The following MGAT5 variants were observed in gnomAD, a reference collection of about 807,000 sequenced individuals.
MGAT5 encodes alpha-1,6-mannosylglycoprotein 6-beta-N-acetylglucosaminyltransferase, also known as alpha-1,6-mannosylglycoprotein 6-beta-N-acetylglucosaminyltransferase A.
Under a neutral mutation model 94.3 loss-of-function variants are expected in MGAT5, and 30 were observed. The observed-to-expected ratio is 0.32, with a 90% CI of 0.24 to 0.43. MGAT5 has a LOEUF of 0.43. MGAT5 is among the 20% of genes least tolerant of loss of function. The probability of loss-of-function intolerance (pLI) is 1.00; values close to 1 mark genes in which losing one functional copy is unlikely to be tolerated. For synonymous variants in MGAT5, 310 were observed against 322.9 expected (o/e 0.96, Z 0.43); for missense variants, 691 against 905.5 (o/e 0.76, Z 3.04).
intron 1 of MGAT5, among the ~76,000 whole-genome samples, chr2:134,255,357 C>G (rs947403134): frequency 2.7e-5 from 4 of 150,906 alleles, no homozygotes; most frequent in African/African-American, 9.7e-5. Flanking sequence ...TGTAGACAAG[C>G]AAAAAAAGAA....
chr2:134,371,856 A>G (rs72980025), intron 10 of MGAT5, among the ~76,000 whole-genome samples: 7,313 of 151,722 alleles, frequency 0.048, 592 homozygotes, highest in African/African-American at 0.17. Flanking sequence ...CTTTGCTAAG[A>G]TGATTTCCAG....
intron 7 of MGAT5, among the ~76,000 whole-genome samples, chr2:134,342,027 G>A (rs1688662324): frequency 6.6e-6 from 1 of 152,094 alleles, no homozygotes; most frequent in East Asian, 1.9e-4. Context: ...TGCTATTACA[G>A]GTGCTTCCAA....
At chr2:134,361,046 T>C (rs1030403801) in intron 9 of MGAT5, among the ~76,000 whole-genome samples, 3 of 152,214 alleles carry the variant, frequency 2.0e-5, no homozygotes, top group African/African-American at 7.2e-5. Context: ...GCGGGCGACA[T>C]TGGAGGCTGG....
Position 134,238,489 on chromosome 2 carries a change from CTCA to C in MGAT5, c.-142-15768_-142-15766del, listed in dbSNP as rs1445439413. Among the ~76,000 whole-genome samples the C allele has an allele frequency of 3.3e-5, 5 of 152,288 alleles. No individual in the cohort carries two copies. In the East Asian group the frequency reaches 9.7e-4, roughly 29 times the overall value. On this transcript the variant is annotated intron_variant, in intron 1 of 16. Coordinates refer to the MGAT5 transcript ENST00000409645. ...TTGACCTTATCTGTGCTTTCCCCAT[CTCA>C]TCATGTCTTGTTTATGTATCCTTGT... is the stretch of plus-strand genomic sequence containing the variant.
chr2:134,254,385 G>C lies in MGAT5; in HGVS notation c.-19G>C, dbSNP rs773806086. 1.2e-6 allele frequency: 2 copies of C among 1,613,870 alleles called. No homozygotes were observed. Among genetic ancestry groups the C allele is most frequent in the Non-Finnish European group, 8.5e-7 (1 of 1,179,906 alleles). ...TCTACGCGTTAAGAGCCAAGGACAG[G>C]TGAAGTTGCCAGAGAGCAATGGCTC... On this transcript the variant is annotated 5_prime_UTR_variant, in exon 1 of 16. Transcript: ENST00000281923.
rs564958176 is a variant in MGAT5, at chr2:134,268,097, G to T, written c.242-2289G>T. Among the ~76,000 whole-genome samples, 1 of 152,294 alleles carries T rather than the reference G, an allele frequency of 6.6e-6. No homozygotes were observed. Among genetic ancestry groups the T allele is most frequent in the South Asian group, 2.1e-4 (1 of 4,822 alleles). ...TCAGGGAGTAGAGACCAGGGATGCT[G>T]CTAAGCATCTTACAATGCAAGGACA... On this transcript the variant is annotated intron_variant, in intron 1 of 15. Coordinates refer to ENST00000281923, the MANE Select transcript of MGAT5 (RefSeq NM_002410.5). The surrounding 1 kb of genome is among the most constrained non-coding windows in gnomAD (Gnocchi z 4.1).
At position 134,402,979 on chromosome 2, in the gene MGAT5, C is replaced by T. The variant is rs1423284956; in HGVS notation, c.1381-9C>T. On this transcript the variant is annotated splice_polypyrimidine_tract_variant and intron_variant, in intron 10 of 15. Transcript: ENST00000281923. The stretch of plus-strand genomic sequence containing the variant: ...AAGAGAAATGTCTTGTGCTTGTTTT[C>T]TTCTTTAGAATAAGAAGATCTACTT... 4 of 1,579,124 alleles carry T rather than the reference C, an allele frequency of 2.5e-6. No individual in the cohort carries two copies. The Middle Eastern group carries it at 6.7e-4, about 265-fold the overall frequency.
At chr2:134,428,949 C>T (rs949436607) in intron 14 of MGAT5, among the ~76,000 whole-genome samples, 3 of 152,152 alleles carry the variant, frequency 2.0e-5, no homozygotes, top group African/African-American at 4.8e-5. Context: ...CCAAGAGTTC[C>T]ACCTTCCCCA....
intron 14 of MGAT5, among the ~76,000 whole-genome samples, chr2:134,430,032 G>T (rs1044353118): frequency 2.6e-5 from 4 of 152,192 alleles, no homozygotes; most frequent in African/African-American, 9.7e-5. Flanking sequence ...AAGGTGTCCA[G>T]AGCTTTGCTT....
At chr2:134,391,253 C>T (rs974499557) in intron 10 of MGAT5, among the ~76,000 whole-genome samples, 4 of 152,052 alleles carry the variant, frequency 2.6e-5, no homozygotes, top group African/African-American at 9.7e-5. Context: ...CCAAAAGAGG[C>T]TACCACTTGG....
At chr2:134,299,670 C>A (rs1316166698) in intron 2 of MGAT5, among the ~76,000 whole-genome samples, 1 of 152,052 alleles carries the variant, frequency 6.6e-6, no homozygotes, top group African/African-American at 2.4e-5. Flanking sequence ...AATATTTATC[C>A]CCTGTCCCCT....
chr2:134,231,886 T>G (rs1419832249), intron 1 of MGAT5, among the ~76,000 whole-genome samples: 2 of 152,174 alleles, frequency 1.3e-5, no homozygotes, highest in Non-Finnish European at 2.9e-5. Context: ...TTACACCCAG[T>G]GAGTTGAGGA....
intron 1 of MGAT5, among the ~76,000 whole-genome samples, chr2:134,141,198 A>G (rs1686639575): frequency 6.6e-6 from 1 of 152,158 alleles, no homozygotes; most frequent in South Asian, 2.1e-4. Flanking sequence ...GAAGACCCTC[A>G]CCAGATGCCA....
At chr2:134,261,134 T>C (rs2105562584) in intron 1 of MGAT5, among the ~76,000 whole-genome samples, 1 of 152,288 alleles carries the variant, frequency 6.6e-6, no homozygotes, top group East Asian at 1.9e-4. Context: ...CCCTCAGTCA[T>C]TAAGACCCTT....
chr2:134,150,313 A>G (rs930923426), intron 1 of MGAT5, among the ~76,000 whole-genome samples: 1 of 152,214 alleles, frequency 6.6e-6, no homozygotes, highest in African/African-American at 2.4e-5. Flanking sequence ...TCATGATGCT[A>G]TATTTTCCTG....
intron 2 of MGAT5, among the ~76,000 whole-genome samples, chr2:134,274,777 C>T (rs992130139): frequency 2.6e-5 from 4 of 152,148 alleles, no homozygotes; most frequent in Non-Finnish European, 5.9e-5. Flanking sequence ...ATAACTCAAG[C>T]GACAGTTTCC....
chr2:134,393,902 A>G (rs1259861316), intron 10 of MGAT5, among the ~76,000 whole-genome samples: 2 of 146,360 alleles, frequency 1.4e-5, no homozygotes, highest in South Asian at 2.2e-4. Context: ...AAGCACATGC[A>G]TATTGAGTGG....
At chr2:134,336,976 G>A (rs1461446469) in intron 5 of MGAT5, among the ~76,000 whole-genome samples, 3 of 152,184 alleles carry the variant, frequency 2.0e-5, no homozygotes, top group African/African-American at 7.2e-5. Flanking sequence ...TTTCATCTTT[G>A]CAGGCCATAT....
intron 1 of MGAT5, among the ~76,000 whole-genome samples, chr2:134,226,757 T>C (rs1433287125): frequency 6.6e-6 from 1 of 152,162 alleles, no homozygotes; most frequent in Non-Finnish European, 1.5e-5. Flanking sequence ...TGTTGAAATA[T>C]GCTTACAGAT....
Sources: allele counts gnomAD v4.1 joint callset (sites outside exome capture counted in the v4.1 genomes callset), GRCh38; gene constraint gnomAD v4.1.1; non-coding constraint Gnocchi (gnomAD v3.1); transcripts MANE v1.5; gene names NCBI Gene and HGNC (gene_info 2026-07-23, HGNC 2026-07-21).